RPL38: variants seen among roughly 807,000 people sequenced by gnomAD.
RPL38 encodes ribosomal protein L38.
RPL38 carries 2 observed loss-of-function variants against 12.8 expected under a neutral mutation model. The observed-to-expected ratio is 0.16, with a 90% CI of 0.06 to 0.49. The LOEUF (loss-of-function observed/expected upper bound fraction) is 0.49, where lower values mean the gene tolerates loss of function less well. RPL38 is among the 20% of genes least tolerant of loss of function. The pLI is 0.96. For missense variants in RPL38, 52 were observed against 79.8 expected (o/e 0.65, Z 1.33); for synonymous variants, 42 against 30.1 (o/e 1.39, Z -1.29).
chr17:74,204,063 T>A (rs1567802845), intron 2 of RPL38, 67 bp from the exon 3 acceptor site: 1 of 1,610,918 alleles, frequency 6.2e-7, no homozygotes, highest in East Asian at 2.2e-5. Flanking sequence ...GAGAAGCTGG[T>A]GGACTGGGCC....
At position 74,210,095 on chromosome 17, in the gene RPL38, G is replaced by C; in HGVS notation, c.*266G>C. The C allele has an allele frequency of 2.7e-6, 1 of 372,856 alleles. No individual in the cohort carries two copies. The highest frequency in any genetic ancestry group is 3.9e-5 in the South Asian group (1 of 25,598). 23.1% of individuals were successfully genotyped at this position (372,856 alleles called of 1,614,324 possible). On this transcript the variant is annotated 3_prime_UTR_variant, in exon 5 of 5. Transcript: ENST00000311111. ...CTCCGCCTCCTGGGTTCAAGCGACTGTCCTGCCTCAGCCTCCCGAGTGGCT... is the reference window on the plus strand; with the variant it reads ...CTCCGCCTCCTGGGTTCAAGCGACTCTCCTGCCTCAGCCTCCCGAGTGGCT...
intron 3 of RPL38, 120 bp downstream of exon 3, chr17:74,204,310 T>C (rs2050090578): frequency 1.2e-6 from 1 of 825,906 alleles, no homozygotes. Context: ...TGCCTGGCCC[T>C]CTGGGAGCAG....
At position 74,204,190 on chromosome 17, in the gene RPL38, T is replaced by C; in HGVS notation, c.64T>C (p.Ser22Pro). The C allele has an allele frequency of 6.2e-7, 1 of 1,613,918 alleles. No individual in the cohort carries two copies. The highest frequency in any genetic ancestry group is 8.5e-7 in the Non-Finnish European group (1 of 1,179,908). The change falls in exon 3 of 5, where the codon TCT becomes CCT. Residue 22 changes from serine (S) to proline (P), a missense_variant and splice_region_variant. Transcript: ENST00000311111. ...CACAGCCCGACGAAAGGATGCCAAA[T>C]GTAAGTGGTTGCTCCGAAGGTTCAA... Reference protein sequence around the residue: ...LLTARRKDAKSVKIKKNKDNV... With the variant: ...LLTARRKDAKPVKIKKNKDNV...
intron 3 of RPL38, 152 bp from the exon 4 acceptor site, chr17:74,209,035 G>T: frequency 2.6e-6 from 2 of 757,222 alleles, no homozygotes; most frequent in Non-Finnish European, 2.3e-6. Flanking sequence ...TGGAGGAACG[G>T]GTAATAGTGT....
intron 3 of RPL38, among the ~76,000 whole-genome samples, chr17:74,208,196 G>C (rs2050132380): frequency 6.6e-6 from 1 of 152,140 alleles, no homozygotes; most frequent in Non-Finnish European, 1.5e-5. Context: ...CAAATCCTGG[G>C]AGTATCTCTG....
rs112750267 is a variant in RPL38 at position 74,208,472 on chromosome 17, G to C, written c.65-715G>C. The stretch of plus-strand genomic sequence containing the variant: ...TCCACATAAATTCAAGGAAAACCCT[G>C]GGTGCGTGTTGTGCGCAGTGGCTGG... On this transcript the variant is annotated intron_variant, in intron 3 of 4. Transcript: ENST00000311111. Among the ~76,000 whole-genome samples the C allele has an allele frequency of 4.7e-3, 716 of 152,284 alleles. 5 individuals are homozygous for C. The highest frequency in any genetic ancestry group is 0.017 in the Middle Eastern group (5 of 294).
chr17:74,208,318 G>A (rs984541542), intron 3 of RPL38, among the ~76,000 whole-genome samples: 5 of 152,204 alleles, frequency 3.3e-5, no homozygotes, highest in African/African-American at 1.2e-4. Context: ...GATACTGCTA[G>A]TACATAACCA....
intron 4 of RPL38, chr17:74,209,580 A>G (rs964322822): frequency 3.2e-6 from 2 of 621,872 alleles, no homozygotes; most frequent in Non-Finnish European, 2.8e-6. Context: ...GATAGTCCCC[A>G]TTTTTTACAG....
chr17:74,207,711 G>C (rs1431126508), intron 3 of RPL38, among the ~76,000 whole-genome samples: 1 of 151,696 alleles, frequency 6.6e-6, no homozygotes, highest in African/African-American at 2.4e-5. Context: ...TCTCCATGTT[G>C]GTCAGGCTGG....
Position 74,204,013 on chromosome 17 carries a change from G to C in RPL38, c.3+55G>C, listed in dbSNP as rs771797926. On this transcript the variant is annotated intron_variant, in intron 2 of 4. Coordinates refer to ENST00000311111, the MANE Select transcript of RPL38 (RefSeq NM_000999.4). Reference sequence around the variant, plus strand: ...CGGGGTGGGCTCGTGGGGCCCCGGGGCGAGGGCGAGAGAGCCTCCCAAGGA... The same window carrying C: ...CGGGGTGGGCTCGTGGGGCCCCGGGCCGAGGGCGAGAGAGCCTCCCAAGGA... 1.9e-6 allele frequency: 3 copies of C among 1,612,848 alleles called. No homozygotes were observed. The African/African-American group carries it at 4.0e-5, about 22-fold the overall frequency.
Position 74,204,308 on chromosome 17 carries a change from C to T in RPL38, c.64+118C>T, listed in dbSNP as rs115775246. On this transcript the variant is annotated intron_variant, in intron 3 of 4. Transcript: ENST00000311111. ...TAGGCCGTCTGGGTGTGTGCCTGGC[C>T]CTCTGGGAGCAGTGGTTTCATCCTG... 4.5e-3 allele frequency: 3,766 copies of T among 829,530 alleles called. 73 individuals are homozygous for T. In the African/African-American group the frequency reaches 0.052, roughly 12 times the overall value. The allele number at this position is 829,530 out of a possible 1,614,324, so 51.4% of individuals were successfully genotyped here.
chr17:74,210,126 T>A lies in RPL38; in HGVS notation c.*297T>A, dbSNP rs2050152962. 3 of 313,330 alleles carry A rather than the reference T, an allele frequency of 9.6e-6. No individual in the cohort carries two copies. Among genetic ancestry groups the A allele is most frequent in the Non-Finnish European group, 1.8e-5 (3 of 169,462 alleles). The allele number at this position is 313,330 out of a possible 1,614,324, so 19.4% of individuals were successfully genotyped here. ...CCTCAGCCTCCCGAGTGGCTGGGATTACAGGCACACATCACCACGCCTGGC... is the reference window on the plus strand; with the variant it reads ...CCTCAGCCTCCCGAGTGGCTGGGATAACAGGCACACATCACCACGCCTGGC... On this transcript the variant is annotated 3_prime_UTR_variant, in exon 5 of 5. Coordinates refer to ENST00000311111, the MANE Select transcript of RPL38 (RefSeq NM_000999.4).
rs1017110773 is a variant in RPL38, at chr17:74,209,997, T to C, written c.*168T>C. 7 of 532,100 alleles carry C rather than the reference T, an allele frequency of 1.3e-5. No individual in the cohort carries two copies. The highest frequency in any genetic ancestry group is 8.7e-5 in the African/African-American group (4 of 46,124). The allele number at this position is 532,100 out of a possible 1,614,324, so 33.0% of individuals were successfully genotyped here. ...CTGTGTCTTTTTTTTTTTTTTTTTTTCTTTCTTTGAGACGGAGTCTTGCTC... is the reference window on the plus strand; with the variant it reads ...CTGTGTCTTTTTTTTTTTTTTTTTTCCTTTCTTTGAGACGGAGTCTTGCTC... On this transcript the variant is annotated 3_prime_UTR_variant, in exon 5 of 5. Transcript: ENST00000311111.
chr17:74,203,883 C>T (rs1271137356), intron 1 of RPL38, 35 bp from the exon 2 acceptor site: 3 of 1,530,062 alleles, frequency 2.0e-6, no homozygotes, highest in Non-Finnish European at 2.6e-6. Context: ...TGCCAGCCCC[C>T]GCGCCGTGTT....
At position 74,209,213 on chromosome 17, in the gene RPL38, A is replaced by G; in HGVS notation, c.91A>G (p.Asn31Asp). 6.2e-7 allele frequency: 1 copy of G among 1,613,958 alleles called. No homozygotes were observed. The highest frequency in any genetic ancestry group is 1.1e-5 in the South Asian group (1 of 91,050). ...KSVKIKKNKDNVKFKVRCSRY... is the reference protein window; with the variant it reads ...KSVKIKKNKDDVKFKVRCSRY... The stretch of plus-strand genomic sequence containing the variant: ...TGTCAAGATCAAGAAAAATAAGGAC[A>G]ACGTGAAGTTTAAAGTTCGATGCAG... The change falls in exon 4 of 5, where the codon AAC becomes GAC. Residue 31 changes from asparagine to aspartate, a missense_variant. Physicochemically the swap from Asn to Asp is conservative, Grantham distance 23. Transcript: ENST00000311111.
intron 3 of RPL38, chr17:74,204,576 C>T (rs2050094116): frequency 1.1e-5 from 3 of 282,594 alleles, no homozygotes; most frequent in Non-Finnish European, 2.0e-5. Context: ...TAATAAAGTG[C>T]TGGATATTTG....
chr17:74,208,583 G>A (rs2050136208), intron 3 of RPL38, among the ~76,000 whole-genome samples: 1 of 152,158 alleles, frequency 6.6e-6, no homozygotes, highest in Admixed American at 6.5e-5. Flanking sequence ...GTGCTGAAAA[G>A]CGCTCAGTCC....
rs923776464 is a variant in RPL38, at chr17:74,210,003, T to C, written c.*174T>C. 4.0e-5 allele frequency: 23 copies of C among 568,122 alleles called. 1 individual carries two copies. The highest frequency in any genetic ancestry group is 5.4e-4 in the Middle Eastern group (2 of 3,702). 35.2% of individuals were successfully genotyped at this position (568,122 alleles called of 1,614,324 possible). ...CTTTTTTTTTTTTTTTTTTTCTTTC[T>C]TTGAGACGGAGTCTTGCTCTGTGGC... On this transcript the variant is annotated 3_prime_UTR_variant, in exon 5 of 5. Transcript: ENST00000311111.
intron 3 of RPL38, among the ~76,000 whole-genome samples, chr17:74,208,406 G>C (rs2050134432): frequency 6.6e-6 from 1 of 152,168 alleles, no homozygotes; most frequent in Non-Finnish European, 1.5e-5. Flanking sequence ...CCATGATCCT[G>C]AAATAGAACT....
Sources: allele counts gnomAD v4.1 joint callset (sites outside exome capture counted in the v4.1 genomes callset), GRCh38; gene constraint gnomAD v4.1.1; transcripts MANE v1.5; gene names NCBI Gene and HGNC (gene_info 2026-07-23, HGNC 2026-07-21).